The following GABRA1 variants were observed in gnomAD, a reference collection of about 807,000 sequenced individuals.
GABRA1 encodes the protein gamma-aminobutyric acid receptor subunit alpha-1.
In GABRA1, 9 loss-of-function variants were observed where a neutral mutation model predicts 48.9. The ratio of observed to expected loss-of-function variants is 0.18; its 90% CI spans 0.11 to 0.32. The LOEUF (loss-of-function observed/expected upper bound fraction) is 0.32. GABRA1 is among the 10% of genes least tolerant of loss of function. The pLI is 1.00. For synonymous variants in GABRA1, 210 were observed against 198.7 expected, an observed-to-expected ratio of 1.06 and a Z score of -0.48; for missense variants, 285 against 553.8, an observed-to-expected ratio of 0.51 and a Z score of 4.87.
chr5:161,891,955 C>A (rs936113867), intron 8 of GABRA1, among the ~76,000 whole-genome samples: 1 of 152,294 alleles, frequency 6.6e-6, no homozygotes, highest in Non-Finnish European at 1.5e-5. Context: ...ATTCTATCTA[C>A]TATTATTATT....
intron 6 of GABRA1, among the ~76,000 whole-genome samples, chr5:161,876,398 G>A (rs1321985314): frequency 6.6e-6 from 1 of 152,010 alleles, no homozygotes; most frequent in Non-Finnish European, 1.5e-5. Flanking sequence ...TGTATTCTTG[G>A]TTTCCTGCAG....
At chr5:161,854,365 T>C (rs985310338) in intron 3 of GABRA1, 95 bp downstream of exon 3, 9 of 757,032 alleles carry the variant, frequency 1.2e-5, no homozygotes, top group African/African-American at 5.1e-5. Flanking sequence ...ATAATAAAAA[T>C]GGTGACATGT....
chr5:161,879,570 G>A (rs935088633), intron 6 of GABRA1, among the ~76,000 whole-genome samples: 1 of 151,960 alleles, frequency 6.6e-6, no homozygotes, highest in Non-Finnish European at 1.5e-5. Context: ...ACTATTTTCT[G>A]GTTACTAAAA....
intron 4 of GABRA1, among the ~76,000 whole-genome samples, chr5:161,869,115 A>G (rs1050336134): frequency 2.0e-5 from 3 of 152,198 alleles, no homozygotes; most frequent in Admixed American, 2.0e-4. Flanking sequence ...TACAAGAAGA[A>G]GCAGCATGAT....
In GABRA1 at chr5:161,850,897, T is replaced by A. The variant is rs1372415306; in HGVS notation, c.74+13T>A. Reference sequence around the variant, plus strand: ...TGACTGGAAGAAGGTGGGGACACTTTTTTAAAAATCTGCATGAAAATTTCT... The same window carrying A: ...TGACTGGAAGAAGGTGGGGACACTTATTTAAAAATCTGCATGAAAATTTCT... On this transcript the variant is annotated intron_variant, in intron 2 of 9. Coordinates refer to ENST00000393943, the MANE Select transcript of GABRA1 (RefSeq NM_001127644.2). 1.9e-6 allele frequency: 3 copies of A among 1,609,154 alleles called. No individual in the cohort carries two copies. The African/African-American group carries it at 4.0e-5, about 22-fold the overall frequency.
intron 4 of GABRA1, among the ~76,000 whole-genome samples, chr5:161,870,214 T>C (rs1274854645): frequency 6.6e-6 from 1 of 152,094 alleles, no homozygotes; most frequent in Non-Finnish European, 1.5e-5. Flanking sequence ...CTTACATCCA[T>C]AGTCATTATG....
At chr5:161,863,275 C>T (rs752678415) in intron 3 of GABRA1, among the ~76,000 whole-genome samples, 2 of 151,740 alleles carry the variant, frequency 1.3e-5, no homozygotes, top group Non-Finnish European at 2.9e-5. Context: ...TCTTGAATTG[C>T]TATAGAGAAA....
intron 8 of GABRA1, among the ~76,000 whole-genome samples, chr5:161,891,694 T>C (rs1009246389): frequency 1.3e-5 from 2 of 152,184 alleles, no homozygotes; most frequent in Non-Finnish European, 2.9e-5. Flanking sequence ...AGGGTGCATT[T>C]GATATAAAAA....
intron 2 of GABRA1, among the ~76,000 whole-genome samples, chr5:161,851,237 A>G (rs1757435488): frequency 6.6e-6 from 1 of 152,206 alleles, no homozygotes; most frequent in Non-Finnish European, 1.5e-5. Context: ...TGATTTAACA[A>G]CAAGAAAATT....
Position 161,891,131 on chromosome 5 carries a change from TA to T in GABRA1, c.856+90del, listed in dbSNP as rs573461878. On this transcript the variant is annotated intron_variant, in intron 8 of 9. Transcript: ENST00000393943. ...ATATCTGTGACACTGCAAAGAGAAATAAAAAAAAATATACACTCAAATATTA... is the reference window on the plus strand; with the variant it reads ...ATATCTGTGACACTGCAAAGAGAAATAAAAAAAATATACACTCAAATATTA... The T allele has an allele frequency of 4.6e-3, 5,676 of 1,237,802 alleles. 34 individuals are homozygous for T. The highest frequency in any genetic ancestry group is 0.021 in the African/African-American group (1,367 of 66,276). The allele number at this position is 1,237,802 out of a possible 1,614,324, so 76.7% of individuals were successfully genotyped here. A position where few individuals can be genotyped will look rare whatever the true frequency, so the allele number is the denominator to read the frequency against.
At chr5:161,863,940 A>G (rs1024252803) in intron 3 of GABRA1, among the ~76,000 whole-genome samples, 1 of 152,006 alleles carries the variant, frequency 6.6e-6, no homozygotes, top group Admixed American at 6.6e-5. Flanking sequence ...CAACAGTGTT[A>G]GAAAATTAGC....
chr5:161,882,374 G>T, intron 6 of GABRA1, 184 bp from the exon 7 acceptor site: 1 of 473,450 alleles, frequency 2.1e-6, no homozygotes, highest in Non-Finnish European at 3.5e-6. Flanking sequence ...GTGAATAAAT[G>T]ACTAAAAAAA....
In GABRA1 at chr5:161,861,993, G is replaced by A. The variant is rs550734915; in HGVS notation, c.188-3728G>A. On this transcript the variant is annotated intron_variant, in intron 3 of 9. Coordinates refer to ENST00000393943, the MANE Select transcript of GABRA1 (RefSeq NM_001127644.2). The stretch of plus-strand genomic sequence containing the variant: ...GTTACTCTGAGTTCCTCAGCAGACA[G>A]CATTTCCGGGGAAAATATGGCCAAT... 2.6e-5 allele frequency among the ~76,000 whole-genome samples: 4 copies of A among 152,010 alleles called. No individual in the cohort carries two copies. The South Asian group carries it at 8.3e-4, about 31-fold the overall frequency.
intron 7 of GABRA1, among the ~76,000 whole-genome samples, chr5:161,884,855 G>T (rs2113423059): frequency 6.6e-6 from 1 of 152,230 alleles, no homozygotes; most frequent in East Asian, 1.9e-4. Context: ...TTATGCCTGA[G>T]ATCCCATGTG....
intron 7 of GABRA1, among the ~76,000 whole-genome samples, chr5:161,888,478 C>T (rs1288741897): frequency 1.3e-5 from 2 of 151,988 alleles, no homozygotes; most frequent in African/African-American, 4.8e-5. Flanking sequence ...CTTCAGATCT[C>T]CAAAAATTAT....
Position 161,899,882 on chromosome 5 carries a change from T to C in GABRA1, c.*2460T>C, listed in dbSNP as rs1755538496. On this transcript the variant is annotated 3_prime_UTR_variant, in exon 10 of 10. Transcript: ENST00000393943. Reference sequence around the variant, plus strand: ...GATGCATGTGTTGCTTTACAGAGTTTAGCAAAAGCTCTTAATTTTATGTCA... The same window carrying C: ...GATGCATGTGTTGCTTTACAGAGTTCAGCAAAAGCTCTTAATTTTATGTCA... 1 of 152,220 alleles carries C rather than the reference T, an allele frequency of 6.6e-6. No individual in the cohort carries two copies. Among genetic ancestry groups the C allele is most frequent in the South Asian group, 2.1e-4 (1 of 4,836 alleles). 9.4% of individuals were successfully genotyped at this position (152,220 alleles called of 1,614,324 possible). A position where few individuals can be genotyped will look rare whatever the true frequency, so the allele number is the denominator to read the frequency against.
chr5:161,887,347 G>A (rs1754894486), intron 7 of GABRA1, among the ~76,000 whole-genome samples: 1 of 152,028 alleles, frequency 6.6e-6, no homozygotes, highest in South Asian at 2.1e-4. Context: ...TAACATTGGT[G>A]ATCATCATTC....
At chr5:161,848,669 T>C (rs1757313612) in intron 1 of GABRA1, 1 of 254,968 alleles carries the variant, frequency 3.9e-6, no homozygotes, top group Non-Finnish European at 7.7e-6. Flanking sequence ...ATAAGAGCAT[T>C]ATTATTATTT....
chr5:161,848,961 C>T (rs746435699), intron 1 of GABRA1: 13 of 455,232 alleles, frequency 2.9e-5, no homozygotes, highest in Non-Finnish European at 5.7e-5. Flanking sequence ...TGGTGAAATG[C>T]CCTCTTGTGT....
Sources: gnomAD v4.1 joint callset for allele counts (sites outside exome capture counted in the v4.1 genomes callset) on GRCh38, gnomAD v4.1.1 for gene constraint, MANE v1.5 for transcripts, NCBI Gene and HGNC (gene_info 2026-07-23, HGNC 2026-07-21) for gene names.